The following SLC35D2 variants were observed in gnomAD, a reference collection of about 807,000 sequenced individuals.
The protein encoded by SLC35D2 is nucleotide sugar transporter SLC35D2.
SLC35D2 carries 43 observed loss-of-function variants against 41.8 expected under a neutral mutation model. That is an observed-to-expected ratio of 1.03 (90% CI 0.81 to 1.33). SLC35D2 has a LOEUF of 1.33. SLC35D2 is among the 40% of genes most tolerant of loss of function. SLC35D2 has a pLI of 0.00. For missense variants in SLC35D2, 380 were observed against 408.4 expected (o/e 0.93, Z 0.60); for synonymous variants, 150 against 163.9 (o/e 0.92, Z 0.65).
intron 4 of SLC35D2, among the ~76,000 whole-genome samples, chr9:96,354,792 G>A (rs1209708292): frequency 4.8e-4 from 44 of 91,444 alleles, no homozygotes; most frequent in Non-Finnish European, 5.7e-4. Context: ...AAAAAAAAAA[G>A]TTACCAAAGC....
At chr9:96,314,160 C>CA in exon 12 of SLC35D2, 1 of 152,258 alleles carries the variant, frequency 6.6e-6, no homozygotes, top group Non-Finnish European at 1.5e-5. Context: ...CTGAGGAGGG[C>CA]AGATCACTTG....
intron 9 of SLC35D2, among the ~76,000 whole-genome samples, chr9:96,324,547 C>T (rs1429433703): frequency 1.9e-5 from 2 of 104,048 alleles, no homozygotes; most frequent in Non-Finnish European, 3.9e-5. Flanking sequence ...TCGCCTGCTG[C>T]ACTTTTTTTT....
At chr9:96,342,012 AAC>A (rs1473474638) in intron 8 of SLC35D2, among the ~76,000 whole-genome samples, 1 of 151,942 alleles carries the variant, frequency 6.6e-6, no homozygotes, top group Non-Finnish European at 1.5e-5. Context: ...AAAAAAACAA[AAC>A]AAAACAAAAA....
At chr9:96,334,456 G>C (rs1828956714) in intron 9 of SLC35D2, among the ~76,000 whole-genome samples, 1 of 152,098 alleles carries the variant, frequency 6.6e-6, no homozygotes, top group African/African-American at 2.4e-5. Context: ...TAGCCAACAT[G>C]ATGAAACTCC....
chr9:96,322,104 G>T, intron 10 of SLC35D2, 24 bp from the exon 11 acceptor site: 1 of 1,454,494 alleles, frequency 6.9e-7, no homozygotes, highest in Non-Finnish European at 9.6e-7. Flanking sequence ...GAGAGGATTC[G>T]TCATTTTAAA....
chr9:96,382,496 C>CACACTATATA (rs200897475), intron 1 of SLC35D2, among the ~76,000 whole-genome samples: 19 of 127,936 alleles, frequency 1.5e-4, no homozygotes, highest in African/African-American at 5.3e-4. Context: ...CACACACACA[C>CACACTATATA]TATATATATA....
At chr9:96,353,034 C>T (rs550546725) in intron 4 of SLC35D2, among the ~76,000 whole-genome samples, 2 of 152,058 alleles carry the variant, frequency 1.3e-5, no homozygotes, top group African/African-American at 4.8e-5. Context: ...AAAAAAAGTT[C>T]TGACCTTGGA....
downstream of SLC35D2, among the ~76,000 whole-genome samples, chr9:96,318,012 G>A (rs567103609): frequency 2.3e-4 from 34 of 148,122 alleles, no homozygotes; most frequent in Non-Finnish European, 3.7e-4. Context: ...CTCCAGACTG[G>A]GAGACAGAGC....
chr9:96,324,215 G>A (rs1408858038), intron 9 of SLC35D2, 46 bp from the exon 10 acceptor site: 2 of 1,531,844 alleles, frequency 1.3e-6, no homozygotes, highest in Non-Finnish European at 9.0e-7. Flanking sequence ...CACTACGCTG[G>A]GTAATGACAA....
intron 8 of SLC35D2, among the ~76,000 whole-genome samples, chr9:96,337,209 CTCTT>C (rs1213683404): frequency 1.3e-5 from 2 of 151,972 alleles, no homozygotes; most frequent in Non-Finnish European, 2.9e-5. Flanking sequence ...AGTTAATTAT[CTCTT>C]TTTTTTCTTT....
intron 6 of SLC35D2, among the ~76,000 whole-genome samples, chr9:96,350,346 CCT>C (rs1491091000): frequency 7.7e-6 from 1 of 130,534 alleles, no homozygotes; most frequent in Non-Finnish European, 1.6e-5. Context: ...AATTTTCTTT[CCT>C]TTTTTTTTTT....
downstream of SLC35D2, among the ~76,000 whole-genome samples, chr9:96,319,335 C>T (rs1198418890): frequency 4.0e-5 from 6 of 151,824 alleles, no homozygotes; most frequent in African/African-American, 7.3e-5. Context: ...TGCCAGGGGC[C>T]GGAGGGATGG....
chr9:96,370,264 T>C (rs1416228055), intron 1 of SLC35D2, among the ~76,000 whole-genome samples: 1 of 152,186 alleles, frequency 6.6e-6, no homozygotes, highest in African/African-American at 2.4e-5. Flanking sequence ...CCTCCTGGCA[T>C]CACTTCCTAA....
At position 96,358,080 on chromosome 9, in the gene SLC35D2, TTATATATATATATATA is replaced by T. The variant is rs34633441; in HGVS notation, c.347+2058_347+2073del. On this transcript the variant is annotated intron_variant, in intron 4 of 11. Transcript: ENST00000253270. The stretch of plus-strand genomic sequence containing the variant: ...ATGGATAAACAAAATATTATATATT[TTATATATATATATATA>T]TATATATATATACCTGCAATGGAAT... Among the ~76,000 whole-genome samples the T allele has an allele frequency of 5.3e-4, 65 of 122,694 alleles. 1 individual carries two copies. Among genetic ancestry groups the T allele is most frequent in the African/African-American group, 2.5e-3 (63 of 25,620 alleles). 80.5% of individuals were successfully genotyped at this position (122,694 alleles called of 152,430 possible).
downstream of SLC35D2, among the ~76,000 whole-genome samples, chr9:96,317,832 T>C (rs1456110627): frequency 6.1e-5 from 9 of 147,352 alleles, no homozygotes; most frequent in Admixed American, 6.2e-4. Context: ...GAGACCAACC[T>C]GACCAACTGG....
intron 6 of SLC35D2, among the ~76,000 whole-genome samples, chr9:96,347,091 G>A (rs1395836367): frequency 6.6e-6 from 1 of 152,190 alleles, no homozygotes; most frequent in South Asian, 2.1e-4. Context: ...AGCCAAGATC[G>A]TGCCTCCAGC....
chr9:96,327,472 G>C (rs767696610), intron 9 of SLC35D2, among the ~76,000 whole-genome samples: 2 of 152,086 alleles, frequency 1.3e-5, no homozygotes, highest in Non-Finnish European at 2.9e-5. Context: ...CATGAGTGTG[G>C]GTGACTAGGA....
chr9:96,358,108 A>ATATATATATATACATC (rs1830117020), intron 4 of SLC35D2, among the ~76,000 whole-genome samples: 1 of 143,148 alleles, frequency 7.0e-6, no homozygotes, highest in Non-Finnish European at 1.5e-5. Flanking sequence ...ATATATATAT[A>ATATATATATATACATC]CCTGCAATGG....
At chr9:96,323,965 C>G (rs1262974419) in intron 10 of SLC35D2, 126 bp downstream of exon 10, 3 of 715,256 alleles carry the variant, frequency 4.2e-6, no homozygotes, top group Non-Finnish European at 7.3e-6. Context: ...ACAGGCCGAG[C>G]TGAAAAGGTC....
Sources: gnomAD v4.1 joint callset for allele counts (sites outside exome capture counted in the v4.1 genomes callset) on GRCh38, gnomAD v4.1.1 for gene constraint, MANE v1.5 for transcripts, NCBI Gene and HGNC (gene_info 2026-07-23, HGNC 2026-07-21) for gene names.